The following ATOSA variants were observed in gnomAD, a reference collection of about 807,000 sequenced individuals.
ATOSA encodes the protein atos homolog protein A.
chr15:52,586,321 A>T, the ATOSA span: 4 of 152,300 alleles, frequency 2.6e-5, no homozygotes, highest in South Asian at 8.3e-4. Context: ...ATATGAAATA[A>T]ACAAATATAC....
At chr15:52,610,386 A>G in the ATOSA span, 1 of 1,595,266 alleles carries the variant, frequency 6.3e-7, no homozygotes, top group Non-Finnish European at 8.6e-7. Flanking sequence ...CACTGATTCT[A>G]GAATCACACA....
chr15:52,699,640 A>T, the ATOSA span, among the ~76,000 whole-genome samples: 9 of 151,726 alleles, frequency 5.9e-5, no homozygotes. Flanking sequence ...CTTTTGTCTC[A>T]GAGAATCTAA....
the ATOSA span, among the ~76,000 whole-genome samples, chr15:52,619,356 T>C: frequency 2.0e-5 from 3 of 152,188 alleles, no homozygotes; most frequent in Non-Finnish European, 4.4e-5. Context: ...TGACTAATTT[T>C]TGGGAAATAT....
the ATOSA span, among the ~76,000 whole-genome samples, chr15:52,664,623 A>G: frequency 6.6e-6 from 1 of 152,188 alleles, no homozygotes; most frequent in East Asian, 1.9e-4. Flanking sequence ...ATTGCCACAC[A>G]ACAATTCCTG....
chr15:52,586,257 T>G, the ATOSA span: 2 of 152,170 alleles, frequency 1.3e-5, no homozygotes, highest in Non-Finnish European at 2.9e-5. Flanking sequence ...TGTGTGTATA[T>G]ATATATATAC....
the ATOSA span, among the ~76,000 whole-genome samples, chr15:52,611,938 C>T: frequency 6.5e-3 from 985 of 152,260 alleles, 5 homozygotes; most frequent in Non-Finnish European, 0.01. Flanking sequence ...CATTTAATAA[C>T]GGATCTATGC....
At chr15:52,640,075 A>G in the ATOSA span, among the ~76,000 whole-genome samples, 1 of 151,882 alleles carries the variant, frequency 6.6e-6, no homozygotes, top group Non-Finnish European at 1.5e-5. Context: ...ATTTTTTCCT[A>G]TTTAATCTTC....
the ATOSA span, among the ~76,000 whole-genome samples, chr15:52,692,291 T>C: frequency 6.6e-6 from 1 of 151,660 alleles, no homozygotes; most frequent in Non-Finnish European, 1.5e-5. Flanking sequence ...AATGATTGTT[T>C]TATGCCAAAA....
At chr15:52,600,114 C>G in the ATOSA span, 1 of 1,456,802 alleles carries the variant, frequency 6.9e-7, no homozygotes, top group Non-Finnish European at 9.6e-7. Flanking sequence ...AGAACAGTTT[C>G]AAAGCACATT....
the ATOSA span, among the ~76,000 whole-genome samples, chr15:52,679,583 C>T: frequency 2.0e-5 from 3 of 152,288 alleles, no homozygotes; most frequent in African/African-American, 7.2e-5. Context: ...GAGACACCAG[C>T]AGAGTCCCGG....
chr15:52,688,824 C>T, the ATOSA span, among the ~76,000 whole-genome samples: 1 of 152,134 alleles, frequency 6.6e-6, no homozygotes, highest in African/African-American at 2.4e-5. Context: ...GTGGAAAAGT[C>T]GAATAAGACA....
chr15:52,634,726 C>T, the ATOSA span, among the ~76,000 whole-genome samples: 13 of 151,788 alleles, frequency 8.6e-5, no homozygotes, highest in Middle Eastern at 3.2e-3. Flanking sequence ...CTCAGCCTCC[C>T]GAGCACCTGG....
At chr15:52,662,485 A>C in the ATOSA span, among the ~76,000 whole-genome samples, 1 of 152,160 alleles carries the variant, frequency 6.6e-6, no homozygotes, top group Non-Finnish European at 1.5e-5. Flanking sequence ...AACAACAGAC[A>C]TAGGGCCGGG....
At chr15:52,624,050 C>G in the ATOSA span, among the ~76,000 whole-genome samples, 5 of 152,236 alleles carry the variant, frequency 3.3e-5, no homozygotes, top group East Asian at 5.8e-4. Context: ...GAATTAAACT[C>G]TTGCTTTTTA....
At chr15:52,660,857 T>A in the ATOSA span, among the ~76,000 whole-genome samples, 1 of 152,142 alleles carries the variant, frequency 6.6e-6, no homozygotes, top group Non-Finnish European at 1.5e-5. Flanking sequence ...TTTCTTCTTG[T>A]TGGTAAGGCT....
chr15:52,663,838 C>T, the ATOSA span, among the ~76,000 whole-genome samples: 2 of 151,990 alleles, frequency 1.3e-5, no homozygotes, highest in East Asian at 1.9e-4. Context: ...GTCACCCAGG[C>T]TCATCTTGAA....
the ATOSA span, chr15:52,629,639 T>TA: frequency 2.4e-6 from 1 of 408,306 alleles, no homozygotes; most frequent in South Asian, 1.7e-5. Flanking sequence ...CTGTCTCTAC[T>TA]AAAAATACAA....
At chr15:52,652,120 A>C in the ATOSA span, 1 of 1,333,034 alleles carries the variant, frequency 7.5e-7, no homozygotes, top group Non-Finnish European at 9.7e-7. Flanking sequence ...GGTGTGCTCA[A>C]CCTCCCCTGC....
At chr15:52,583,887 G>C in the ATOSA span, among the ~76,000 whole-genome samples, 1 of 152,020 alleles carries the variant, frequency 6.6e-6, no homozygotes, top group African/African-American at 2.4e-5. Context: ...GAGCTTTGGG[G>C]AGAATAATTA....
Sources: allele counts gnomAD v4.1 joint callset (sites outside exome capture counted in the v4.1 genomes callset), GRCh38; gene constraint gnomAD v4.1.1; transcripts MANE v1.5; gene names NCBI Gene and HGNC (gene_info 2026-07-23, HGNC 2026-07-21).